RNF6: variants seen among roughly 807,000 people sequenced by gnomAD.
RNF6 encodes the protein E3 ubiquitin-protein ligase RNF6.
Under a neutral mutation model 50.1 loss-of-function variants are expected in RNF6, and 21 were observed. The observed-to-expected ratio is 0.42, with a 90% CI of 0.30 to 0.60. The LOEUF is 0.60. Among genes scored for constraint, RNF6 ranks in the 20% least tolerant of loss-of-function variants. RNF6 has a pLI of 0.20. For missense variants in RNF6, 698 were observed against 838.2 expected, an observed-to-expected ratio of 0.83 and a Z score of 2.07; for synonymous variants, 255 against 291.8, an observed-to-expected ratio of 0.87 and a Z score of 1.29.
chr13:26,157,532 T>A (rs1593155231), intron 5 of RNF6, among the ~76,000 whole-genome samples: 3 of 152,166 alleles, frequency 2.0e-5, no homozygotes, highest in African/African-American at 2.4e-5. Flanking sequence ...TAAAAATTAT[T>A]AATAAAATAT....
At chr13:26,185,595 A>G (rs1409225904) in intron 5 of RNF6, among the ~76,000 whole-genome samples, 13 of 152,040 alleles carry the variant, frequency 8.6e-5, no homozygotes, top group Non-Finnish European at 1.5e-4. Context: ...AAATACAAAA[A>G]ATTAGCCTGG....
At chr13:26,202,154 G>A (rs773045009) in intron 5 of RNF6, among the ~76,000 whole-genome samples, 71 of 152,168 alleles carry the variant, frequency 4.7e-4, no homozygotes, top group Non-Finnish European at 3.4e-4. Flanking sequence ...CCTCTCAGAT[G>A]ACTTGGGCAA....
chr13:26,197,852 C>T (rs879690865), intron 5 of RNF6, among the ~76,000 whole-genome samples: 2 of 151,746 alleles, frequency 1.3e-5, no homozygotes, highest in Non-Finnish European at 2.9e-5. Context: ...GGTGAAACCC[C>T]GTCTGTTCTC....
At chr13:26,148,500 A>G (rs2137574595) in intron 5 of RNF6, among the ~76,000 whole-genome samples, 1 of 151,374 alleles carries the variant, frequency 6.6e-6, no homozygotes, top group Non-Finnish European at 1.5e-5. Flanking sequence ...ATTATGGAAC[A>G]CATTCCAGAA....
chr13:26,209,613 G>A (rs984403423), downstream of RNF6, among the ~76,000 whole-genome samples: 3 of 152,178 alleles, frequency 2.0e-5, no homozygotes, highest in African/African-American at 7.2e-5. Context: ...ACTCAGAGGG[G>A]CTAAATTGTG....
chr13:26,165,171 A>T (rs548830265), intron 5 of RNF6, among the ~76,000 whole-genome samples: 285 of 152,336 alleles, frequency 1.9e-3, no homozygotes, highest in Middle Eastern at 3.4e-3. Flanking sequence ...AAAGGGGCCA[A>T]CGTAGAACTT....
At chr13:26,143,858 T>C (rs1871090603) in intron 5 of RNF6, among the ~76,000 whole-genome samples, 1 of 152,160 alleles carries the variant, frequency 6.6e-6, no homozygotes, top group South Asian at 2.1e-4. Context: ...GTAAGTTCCT[T>C]GGTTAGAATC....
intron 5 of RNF6, among the ~76,000 whole-genome samples, chr13:26,177,565 G>A (rs1413401748): frequency 1.3e-5 from 2 of 152,076 alleles, no homozygotes; most frequent in Non-Finnish European, 2.9e-5. Flanking sequence ...CATGAGAGTG[G>A]CCCTGACAGT....
downstream of RNF6, among the ~76,000 whole-genome samples, chr13:26,211,333 T>A (rs1289568124): frequency 6.6e-6 from 1 of 152,234 alleles, no homozygotes; most frequent in Non-Finnish European, 1.5e-5. Context: ...TGCAAAGGAC[T>A]AAGTCAAAGA....
chr13:26,211,886 T>C (rs1285250135), downstream of RNF6, among the ~76,000 whole-genome samples: 3 of 152,224 alleles, frequency 2.0e-5, no homozygotes, highest in Non-Finnish European at 4.4e-5. Flanking sequence ...TGGCATACCT[T>C]GTAACTAATT....
rs544143962 is a variant in RNF6, at chr13:26,155,881, G to A, written n.769-23430C>T. On this transcript the variant is annotated intron_variant and non_coding_transcript_variant, in intron 5 of 5. Transcript: ENST00000468480. ...TTAAGGGGCGGACAGGGCAGAAGGA[G>A]TCTTAAACAAGCCACAGGTCCTGGT... Among the ~76,000 whole-genome samples, 143 of 152,324 alleles carry A rather than the reference G, an allele frequency of 9.4e-4. 4 individuals are homozygous for A. In the South Asian group the frequency reaches 0.027, roughly 29 times the overall value.
At chr13:26,150,333 A>G (rs1428446778) in intron 5 of RNF6, among the ~76,000 whole-genome samples, 3 of 152,150 alleles carry the variant, frequency 2.0e-5, no homozygotes, top group African/African-American at 7.2e-5. Flanking sequence ...AAGCTCGCGA[A>G]TAACGATAGC....
chr13:26,180,591 G>T (rs1191160682), intron 5 of RNF6, among the ~76,000 whole-genome samples: 1 of 152,196 alleles, frequency 6.6e-6, no homozygotes, highest in African/African-American at 2.4e-5. Flanking sequence ...GGATAAATTT[G>T]CAGAATCTGT....
chr13:26,198,003 T>A (rs1378019831), intron 5 of RNF6, among the ~76,000 whole-genome samples: 3 of 151,746 alleles, frequency 2.0e-5, no homozygotes, highest in African/African-American at 7.3e-5. Flanking sequence ...TGTTTTGAAT[T>A]GAATAAAATT....
intron 5 of RNF6, among the ~76,000 whole-genome samples, chr13:26,201,554 C>A (rs538233280): frequency 6.6e-6 from 1 of 152,224 alleles, no homozygotes; most frequent in Admixed American, 6.5e-5. Context: ...GATGGCAGAG[C>A]TCAAATTTAA....
At position 26,151,627 on chromosome 13, in the gene RNF6, T is replaced by TTTC. The variant is rs1407489890; in HGVS notation, n.769-19177_769-19176insGAA. On this transcript the variant is annotated intron_variant and non_coding_transcript_variant, in intron 5 of 5. Transcript: ENST00000468480. ...CTCCTTTTTTTCTTTTTTTCTTTTT[T>TTTC]TTTTTTTGGCAGAGGAGACATTTTT... Among the ~76,000 whole-genome samples the TTTC allele has an allele frequency of 2.0e-5, 3 of 149,174 alleles. 1 individual carries two copies.
chr13:26,218,471 C>A, intron 4 of RNF6, 40 bp downstream of exon 4: 1 of 1,482,566 alleles, frequency 6.7e-7, no homozygotes, highest in South Asian at 1.1e-5. Flanking sequence ...TGCAAGTGCT[C>A]CAATCAAGCC....
chr13:26,132,129 C>CT (rs3837560), exon 6 of RNF6: 83 of 193,338 alleles, frequency 4.3e-4, no homozygotes, highest in African/African-American at 1.9e-3. Context: ...TTTAAGAATG[C>CT]TTTTTTTTAA....
At chr13:26,206,867 G>A (rs1869129733) in intron 5 of RNF6, among the ~76,000 whole-genome samples, 2 of 151,748 alleles carry the variant, frequency 1.3e-5, no homozygotes, top group African/African-American at 4.8e-5. Context: ...TCCACATTAT[G>A]ACTCTCATGG....
Sources: allele counts gnomAD v4.1 joint callset (sites outside exome capture counted in the v4.1 genomes callset), GRCh38; gene constraint gnomAD v4.1.1; transcripts MANE v1.5; gene names NCBI Gene and HGNC (gene_info 2026-07-23, HGNC 2026-07-21).